VSTM5: variants seen among roughly 807,000 people sequenced by gnomAD.
VSTM5 encodes V-set and transmembrane domain-containing protein 5.
Under a neutral mutation model 20.3 loss-of-function variants are expected in VSTM5, and 21 were observed. The ratio of observed to expected loss-of-function variants is 1.03; its 90% CI spans 0.73 to 1.49. The LOEUF (loss-of-function observed/expected upper bound fraction) is 1.49. Among genes scored for constraint, VSTM5 ranks in the 40% most tolerant of loss-of-function variants. The pLI, the probability that VSTM5 is intolerant of heterozygous loss-of-function variation, is 0.00. For missense variants in VSTM5, 219 were observed against 250.0 expected, an observed-to-expected ratio of 0.88 and a Z score of 0.84; for synonymous variants, 100 against 102.5, an observed-to-expected ratio of 0.98 and a Z score of 0.14.
rs574119785 is a variant in VSTM5, at chr11:93,839,174, C to T, written c.91+11238G>A. ...GTCCCGAGAGTGTGAACTTAGGATG[C>T]GGGGCCTCTTAGACCCTGTGGTGGC... On this transcript the variant is annotated intron_variant, in intron 1 of 3. Coordinates refer to ENST00000409977, the MANE Select transcript of VSTM5 (RefSeq NM_001144871.2). Among the ~76,000 whole-genome samples, 170 of 152,338 alleles carry T rather than the reference C, an allele frequency of 1.1e-3. 1 individual carries two copies. Among genetic ancestry groups the T allele is most frequent in the African/African-American group, 3.8e-3 (157 of 41,584 alleles).
intron 1 of VSTM5, among the ~76,000 whole-genome samples, chr11:93,839,315 G>T (rs1198889282): frequency 3.9e-5 from 6 of 152,192 alleles, no homozygotes; most frequent in Non-Finnish European, 7.3e-5. Context: ...AGGGACTGCT[G>T]GGGAAAGGAG....
intron 1 of VSTM5, among the ~76,000 whole-genome samples, chr11:93,824,763 TC>T: frequency 6.6e-6 from 1 of 152,242 alleles, no homozygotes. Flanking sequence ...AAGAAGTTTT[TC>T]CCCTATTTTC....
chr11:93,820,471 A>G lies in VSTM5; in HGVS notation c.*98T>C. 3 of 1,361,982 alleles carry G rather than the reference A, an allele frequency of 2.2e-6. No individual in the cohort carries two copies. Among genetic ancestry groups the G allele is most frequent in the Non-Finnish European group, 3.0e-6 (3 of 983,732 alleles). The allele number at this position is 1,361,982 out of a possible 1,614,324, so 84.4% of individuals were successfully genotyped here. On this transcript the variant is annotated 3_prime_UTR_variant, in exon 4 of 4. Coordinates refer to ENST00000409977, the MANE Select transcript of VSTM5 (RefSeq NM_001144871.2). Reference sequence around the variant, plus strand: ...CACTGTCCTGTTAGGAGCGGGCTGCAACAGGACCACACACAATGGGTATAA... The same window carrying G: ...CACTGTCCTGTTAGGAGCGGGCTGCGACAGGACCACACACAATGGGTATAA...
At position 93,820,065 on chromosome 11, in the gene VSTM5, T is replaced by C. The variant is rs892279325; in HGVS notation, c.*504A>G. 6.1e-6 allele frequency: 1 copy of C among 163,466 alleles called. No individual in the cohort carries two copies. Among genetic ancestry groups the C allele is most frequent in the Non-Finnish European group, 1.3e-5 (1 of 75,494 alleles). 10.1% of individuals were successfully genotyped at this position (163,466 alleles called of 1,614,324 possible). On this transcript the variant is annotated 3_prime_UTR_variant, in exon 4 of 4. Coordinates refer to ENST00000409977, the MANE Select transcript of VSTM5 (RefSeq NM_001144871.2). ...GCAGATTGTCTAAAAGCCTCAGGTTTTCTCACAATAGCTCCCACAGCAGTG... is the reference window on the plus strand; with the variant it reads ...GCAGATTGTCTAAAAGCCTCAGGTTCTCTCACAATAGCTCCCACAGCAGTG...
chr11:93,843,303 C>T (rs930959870), intron 1 of VSTM5, among the ~76,000 whole-genome samples: 4 of 152,132 alleles, frequency 2.6e-5, no homozygotes, highest in Admixed American at 1.3e-4. Flanking sequence ...TCCAGCAACA[C>T]ACTTATCCCT....
chr11:93,835,223 G>A (rs1211030963), intron 1 of VSTM5, among the ~76,000 whole-genome samples: 3 of 151,922 alleles, frequency 2.0e-5, no homozygotes, highest in East Asian at 3.9e-4. Context: ...CCAGGAGTTC[G>A]AGAGCAGCCT....
intron 1 of VSTM5, among the ~76,000 whole-genome samples, chr11:93,843,561 G>A (rs72978456): frequency 0.11 from 16,236 of 152,168 alleles, 1,009 homozygotes; most frequent in South Asian, 0.17. Context: ...ATGGCATCTC[G>A]TTGCAGGCTA....
At chr11:93,843,157 A>G (rs2135739252) in intron 1 of VSTM5, among the ~76,000 whole-genome samples, 1 of 152,020 alleles carries the variant, frequency 6.6e-6, no homozygotes, top group Non-Finnish European at 1.5e-5. Context: ...ATTCTCCTCC[A>G]GAAAAACTAT....
intron 1 of VSTM5, among the ~76,000 whole-genome samples, chr11:93,845,503 G>A (rs1272902794): frequency 6.6e-6 from 1 of 152,162 alleles, no homozygotes; most frequent in Admixed American, 6.5e-5. Flanking sequence ...AAGGATGACG[G>A]GTAACTTCCC....
intron 1 of VSTM5, among the ~76,000 whole-genome samples, chr11:93,844,328 C>T (rs898463271): frequency 3.3e-5 from 5 of 152,148 alleles, no homozygotes; most frequent in African/African-American, 1.2e-4. Flanking sequence ...GGGCAGGAAT[C>T]TTGTATGAGT....
rs1944451439 is a variant in VSTM5 at position 93,850,533 on chromosome 11, G to C, written c.-31C>G. The C allele has an allele frequency of 6.6e-7, 1 of 1,516,234 alleles. No homozygotes were observed. The highest frequency in any genetic ancestry group is 8.9e-7 in the Non-Finnish European group (1 of 1,119,124). The allele number at this position is 1,516,234 out of a possible 1,614,324, so 93.9% of individuals were successfully genotyped here. On this transcript the variant is annotated 5_prime_UTR_variant, in exon 1 of 4. Coordinates refer to ENST00000409977, the MANE Select transcript of VSTM5 (RefSeq NM_001144871.2). Reference sequence around the variant, plus strand: ...AGCCCGGGGCCTCGCGGGCCGGGGTGTGTGCTGGCCGCACCGCGCTGCAGC... The same window carrying C: ...AGCCCGGGGCCTCGCGGGCCGGGGTCTGTGCTGGCCGCACCGCGCTGCAGC...
intron 1 of VSTM5, among the ~76,000 whole-genome samples, chr11:93,827,219 A>G (rs61906560): frequency 0.046 from 6,954 of 152,220 alleles, 377 homozygotes; most frequent in African/African-American, 0.13. Context: ...CCCCATCTCT[A>G]CTAAAAATAC....
intron 1 of VSTM5, among the ~76,000 whole-genome samples, chr11:93,830,891 C>CA (rs1347951957): frequency 6.6e-6 from 1 of 151,770 alleles, no homozygotes. Flanking sequence ...TAGCTGGGAC[C>CA]ACAGGCGTAT....
At chr11:93,828,097 A>G (rs1944253465) in intron 1 of VSTM5, among the ~76,000 whole-genome samples, 2 of 152,208 alleles carry the variant, frequency 1.3e-5, no homozygotes, top group African/African-American at 2.4e-5. Flanking sequence ...TCCTGATTAG[A>G]CTATGCAATC....
chr11:93,830,502 C>T (rs1208694813), intron 1 of VSTM5, among the ~76,000 whole-genome samples: 3 of 152,198 alleles, frequency 2.0e-5, no homozygotes, highest in African/African-American at 7.2e-5. Flanking sequence ...CTCAGAACCC[C>T]CAGTGCCCAA....
At chr11:93,827,252 A>G (rs1426843196) in intron 1 of VSTM5, among the ~76,000 whole-genome samples, 1 of 152,128 alleles carries the variant, frequency 6.6e-6, no homozygotes, top group Non-Finnish European at 1.5e-5. Flanking sequence ...GCATGGTGGC[A>G]CATGCCTGTA....
At chr11:93,845,167 A>G (rs1944404033) in intron 1 of VSTM5, among the ~76,000 whole-genome samples, 1 of 152,178 alleles carries the variant, frequency 6.6e-6, no homozygotes, top group African/African-American at 2.4e-5. Context: ...GCAAAACAAA[A>G]CAGTGTCTGG....
At position 93,820,308 on chromosome 11, in the gene VSTM5, G is replaced by A. The variant is rs547616595; in HGVS notation, c.*261C>T. The A allele has an allele frequency of 2.0e-5, 10 of 499,176 alleles. No individual in the cohort carries two copies. Among genetic ancestry groups the A allele is most frequent in the Admixed American group, 7.0e-5 (2 of 28,732 alleles). The allele number at this position is 499,176 out of a possible 1,614,324, so 30.9% of individuals were successfully genotyped here. On this transcript the variant is annotated 3_prime_UTR_variant, in exon 4 of 4. Coordinates refer to ENST00000409977, the MANE Select transcript of VSTM5 (RefSeq NM_001144871.2). ...TCACCCATTGGTTATGTGTCAGCAC[G>A]GCCCTGATGCTGCAGCCAAGCGAAG...
At chr11:93,837,354 C>T (rs1944331325) in intron 1 of VSTM5, among the ~76,000 whole-genome samples, 1 of 151,946 alleles carries the variant, frequency 6.6e-6, no homozygotes, top group Non-Finnish European at 1.5e-5. Flanking sequence ...TTGATCCTTC[C>T]GTCTAAACAT....
Sources: allele counts gnomAD v4.1 joint callset (sites outside exome capture counted in the v4.1 genomes callset), GRCh38; gene constraint gnomAD v4.1.1; transcripts MANE v1.5; gene names NCBI Gene and HGNC (gene_info 2026-07-23, HGNC 2026-07-21).